Variants in TEX55 observed in about 807,000 individuals in gnomAD.
TEX55 encodes testis expressed 55.
In TEX55, 31 loss-of-function variants were observed where a neutral mutation model predicts 44.6. The ratio of observed to expected loss-of-function variants is 0.69; its 90% CI spans 0.52 to 0.94. TEX55 has a LOEUF of 0.94. TEX55 is among the 40% of genes least tolerant of loss of function. The pLI, the probability that TEX55 is intolerant of heterozygous loss-of-function variation, is 0.00. For missense variants in TEX55, 639 were observed against 638.4 expected, an observed-to-expected ratio of 1.00 and a Z score of -0.01; for synonymous variants, 230 against 230.9, an observed-to-expected ratio of 1.00 and a Z score of 0.04.
chr3:119,147,097 C>CT lies in TEX55; in HGVS notation c.909dup (p.Val304CysfsTer13). On this transcript the variant is annotated frameshift_variant, in exon 1 of 3. Transcript: ENST00000295622. LOFTEE classifies it high-confidence loss of function. ...TATGGCCTCGTTGACCACAAAACAT[C>CT]TGTAAAGACTCACCACCAAGTGTAC... 1 of 1,614,158 alleles carries CT rather than the reference C, an allele frequency of 6.2e-7. No individual in the cohort carries two copies. Among genetic ancestry groups the CT allele is most frequent in the Middle Eastern group, 1.6e-4 (1 of 6,062 alleles).
Position 119,147,478 on chromosome 3 carries a change from G to C in TEX55, c.1289G>C (p.Ser430Thr), listed in dbSNP as rs1300716147. 6.2e-7 allele frequency: 1 copy of C among 1,613,950 alleles called. No homozygotes were observed. The highest frequency in any genetic ancestry group is 1.3e-5 in the African/African-American group (1 of 74,892). Residue 430 changes from serine to threonine, a missense_variant, in exon 1 of 3, where the codon AGT becomes ACT. Coordinates refer to ENST00000295622, the MANE Select transcript of TEX55 (RefSeq NM_152539.3). Reference protein sequence around the residue: ...PYNPVDARFTSNFQAKDQALF... With the variant: ...PYNPVDARFTTNFQAKDQALF... ...AACCCAGTTGATGCCAGATTCACCAGTAACTTCCAAGCAAAAGACCAAGCT... is the reference window on the plus strand; with the variant it reads ...AACCCAGTTGATGCCAGATTCACCACTAACTTCCAAGCAAAAGACCAAGCT...
At chr3:119,149,743 C>G (rs2107558302) in intron 2 of TEX55, among the ~76,000 whole-genome samples, 1 of 152,250 alleles carries the variant, frequency 6.6e-6, no homozygotes, top group East Asian at 1.9e-4. Context: ...TTTTTCAACT[C>G]CATTAAAATC....
chr3:119,151,149 G>T (rs887388498), intron 2 of TEX55, 75 bp from the exon 3 acceptor site: 37 of 946,850 alleles, frequency 3.9e-5, no homozygotes, highest in Non-Finnish European at 4.4e-5. Context: ...TAGTGGGAAA[G>T]ATAGCATCAA....
At chr3:119,148,866 T>C (rs906721596) in intron 2 of TEX55, among the ~76,000 whole-genome samples, 2 of 152,206 alleles carry the variant, frequency 1.3e-5, no homozygotes, top group African/African-American at 2.4e-5. Context: ...GAAGTATTTG[T>C]GTATCTAAAC....
At position 119,146,657 on chromosome 3, in the gene TEX55, A is replaced by G. The variant is rs952273636; in HGVS notation, c.468A>G (p.Arg156=). 13 of 1,614,124 alleles carry G rather than the reference A, an allele frequency of 8.1e-6. No homozygotes were observed. Among genetic ancestry groups the G allele is most frequent in the Non-Finnish European group, 1.1e-5 (13 of 1,180,058 alleles). Residue 156 remains arginine (R), a synonymous_variant, in exon 1 of 3, where the codon AGA becomes AGG. Coordinates refer to ENST00000295622, the MANE Select transcript of TEX55 (RefSeq NM_152539.3). ...TERRLPTQAE[R]RTSGQIDGRL... is the part of the protein sequence containing the mutation. Reference sequence around the variant, plus strand: ...GAAGATTACCTACCCAGGCTGAGAGAAGAACTTCTGGGCAGATTGATGGTA... The same window carrying G: ...GAAGATTACCTACCCAGGCTGAGAGGAGAACTTCTGGGCAGATTGATGGTA...
Position 119,151,140 on chromosome 3 carries a change from A to G in TEX55, c.1543-84A>G, listed in dbSNP as rs1433914199. 6.4e-5 allele frequency: 56 copies of G among 870,156 alleles called. No individual in the cohort carries two copies. The South Asian group carries it at 6.4e-4, about 10-fold the overall frequency. 53.9% of individuals were successfully genotyped at this position (870,156 alleles called of 1,614,324 possible). On this transcript the variant is annotated intron_variant, in intron 2 of 2. Transcript: ENST00000295622. Reference sequence around the variant, plus strand: ...CAAAAGCTATGGTATGTGTTAGGTTAGTGGGAAAGATAGCATCAAATATAA... The same window carrying G: ...CAAAAGCTATGGTATGTGTTAGGTTGGTGGGAAAGATAGCATCAAATATAA...
Position 119,146,460 on chromosome 3 carries a change from G to C in TEX55, c.271G>C (p.Ala91Pro). The change falls in exon 1 of 3, where the codon GCA becomes CCA. Residue 91 changes from alanine (A) to proline (P), a missense_variant. Coordinates refer to ENST00000295622, the MANE Select transcript of TEX55 (RefSeq NM_152539.3). Reference sequence around the variant, plus strand: ...TACACCTGGTCAGGCTGGCCGCAGAGCATCCAACCCTGCTGATGTTTCTGA... The same window carrying C: ...TACACCTGGTCAGGCTGGCCGCAGACCATCCAACCCTGCTGATGTTTCTGA... ...HSTPGQAGRR[A>P]SNPADVSDLR... is the part of the protein sequence containing the mutation. 1.9e-6 allele frequency: 3 copies of C among 1,614,124 alleles called. No individual in the cohort carries two copies. Among genetic ancestry groups the C allele is most frequent in the Non-Finnish European group, 2.5e-6 (3 of 1,180,028 alleles).
rs200831051 is a variant in TEX55, at chr3:119,146,400, G to C, written c.211G>C (p.Ala71Pro). ...GGCTGAATCCAGCATATTTAGCCAAGCTACCAACGGAGTAGCTGAACAAAA... is the reference window on the plus strand; with the variant it reads ...GGCTGAATCCAGCATATTTAGCCAACCTACCAACGGAGTAGCTGAACAAAA... Reference protein sequence around the residue: ...SQAESSIFSQATNGVAEQNGH... With the variant: ...SQAESSIFSQPTNGVAEQNGH... The change falls in exon 1 of 3, where the codon GCT (alanine) becomes CCT (proline). Residue 71 changes from alanine (A) to proline (P), a missense_variant. By Grantham distance (27) the Ala-to-Pro change is conservative (BLOSUM62 -1). Coordinates refer to ENST00000295622, the MANE Select transcript of TEX55 (RefSeq NM_152539.3). The C allele has an allele frequency of 1.5e-4, 249 of 1,614,192 alleles. 1 individual carries two copies. In the East Asian group the frequency reaches 5.4e-3, roughly 35 times the overall value.
chr3:119,147,007 A>G lies in TEX55; in HGVS notation c.818A>G (p.Lys273Arg). 6.2e-7 allele frequency: 1 copy of G among 1,614,228 alleles called. No individual in the cohort carries two copies. The highest frequency in any genetic ancestry group is 8.5e-7 in the Non-Finnish European group (1 of 1,180,038). ...SGKVRRRSSEKTDYRLAGLAD... is the reference protein window; with the variant it reads ...SGKVRRRSSERTDYRLAGLAD... ...AAAGTTAGGAGAAGAAGTTCTGAGA[A>G]GACTGACTACAGATTGGCTGGCCTG... is the stretch of plus-strand genomic sequence containing the variant. Residue 273 changes from lysine to arginine, a missense_variant, in exon 1 of 3, where the codon AAG becomes AGG. Transcript: ENST00000295622.
chr3:119,147,761 G>A (rs879833122), intron 1 of TEX55, among the ~76,000 whole-genome samples, 174 bp downstream of exon 1: 8 of 152,150 alleles, frequency 5.3e-5, no homozygotes, highest in Non-Finnish European at 7.4e-5. Flanking sequence ...AGAAGGATGG[G>A]AAATAAAAGA....
rs927367246 is a variant in TEX55 at position 119,146,740 on chromosome 3, G to T, written c.551G>T (p.Gly184Val). Residue 184 changes from glycine to valine, a missense_variant, in exon 1 of 3, where the codon GGC becomes GTC. Gly to Val is a moderately radical substitution (Grantham distance 109). Coordinates refer to ENST00000295622, the MANE Select transcript of TEX55 (RefSeq NM_152539.3). ...GSRQTDHRMA[G>V]QSERRASEQM... ...AGACAGACCGACCACAGAATGGCAGGCCAGTCTGAGAGAAGAGCTTCCGAG... is the reference window on the plus strand; with the variant it reads ...AGACAGACCGACCACAGAATGGCAGTCCAGTCTGAGAGAAGAGCTTCCGAG... The T allele has an allele frequency of 1.9e-6, 3 of 1,614,030 alleles. No homozygotes were observed. In the African/African-American group the frequency reaches 4.0e-5, roughly 22 times the overall value.
rs1160918839 is a variant in TEX55, at chr3:119,148,181, A to G, written c.1400A>G (p.Asp467Gly). The G allele has an allele frequency of 6.2e-7, 1 of 1,603,418 alleles. No homozygotes were observed. The highest frequency in any genetic ancestry group is 8.5e-7 in the Non-Finnish European group (1 of 1,176,966). Residue 467 changes from aspartate to glycine, a missense_variant and splice_region_variant, in exon 2 of 3, where the codon GAT (aspartate) becomes GGT (glycine). Asp to Gly is a moderately conservative substitution (Grantham distance 94). Coordinates refer to ENST00000295622, the MANE Select transcript of TEX55 (RefSeq NM_152539.3). ...EKTQAIVTKS[D>G]EFSEIDQGKG... ...TTGGTGGGGGGATTTAAATTTCAGGATGAATTTTCAGAAATTGACCAAGGA... is the reference window on the plus strand; with the variant it reads ...TTGGTGGGGGGATTTAAATTTCAGGGTGAATTTTCAGAAATTGACCAAGGA...
Position 119,151,212 on chromosome 3 carries a change from T to G in TEX55, c.1543-12T>G. 1 of 1,573,868 alleles carries G rather than the reference T, an allele frequency of 6.4e-7. No homozygotes were observed. Among genetic ancestry groups the G allele is most frequent in the South Asian group, 1.1e-5 (1 of 90,164 alleles). On this transcript the variant is annotated splice_polypyrimidine_tract_variant and intron_variant, in intron 2 of 2. Transcript: ENST00000295622. Reference sequence around the variant, plus strand: ...AGAACCATAATGTGATGCCTTATGCTCTCTTTCTCAGCAGATTACTGAAAA... The same window carrying G: ...AGAACCATAATGTGATGCCTTATGCGCTCTTTCTCAGCAGATTACTGAAAA...
Position 119,146,666 on chromosome 3 carries a change from T to C in TEX55, c.477T>C (p.Ser159=), listed in dbSNP as rs1307424142. 2 of 1,614,232 alleles carry C rather than the reference T, an allele frequency of 1.2e-6. No individual in the cohort carries two copies. Among genetic ancestry groups the C allele is most frequent in the Admixed American group, 3.3e-5 (2 of 60,032 alleles). ...CTACCCAGGCTGAGAGAAGAACTTCTGGGCAGATTGATGGTAGACTGGCTA... is the reference window on the plus strand; with the variant it reads ...CTACCCAGGCTGAGAGAAGAACTTCCGGGCAGATTGATGGTAGACTGGCTA... ...RLPTQAERRT[S]GQIDGRLAMP... The change falls in exon 1 of 3, where the codon TCT becomes TCC. Residue 159 remains serine (S), a synonymous_variant. Coordinates refer to ENST00000295622, the MANE Select transcript of TEX55 (RefSeq NM_152539.3).
At position 119,147,316 on chromosome 3, in the gene TEX55, A is replaced by T; in HGVS notation, c.1127A>T (p.Gln376Leu). 6.2e-7 allele frequency: 1 copy of T among 1,614,236 alleles called. No homozygotes were observed. The highest frequency in any genetic ancestry group is 8.5e-7 in the Non-Finnish European group (1 of 1,180,048). ...RGQSEDRIFP[Q>L]LGNSKEDKEA... ...CAGTCTGAAGACAGAATATTTCCCC[A>T]GTTAGGCAACAGCAAAGAGGACAAA... Residue 376 changes from glutamine to leucine, a missense_variant, in exon 1 of 3, where the codon CAG becomes CTG. Transcript: ENST00000295622.
At position 119,147,208 on chromosome 3, in the gene TEX55, A is replaced by C; in HGVS notation, c.1019A>C (p.Tyr340Ser). Residue 340 changes from tyrosine (Y) to serine (S), a missense_variant, in exon 1 of 3, where the codon TAC becomes TCC. Transcript: ENST00000295622. ...ADQPPVDNAH[Y>S]TESDQTDHLA... Reference sequence around the variant, plus strand: ...CAACCTCCAGTTGACAATGCTCACTACACTGAATCTGACCAGACTGACCAC... The same window carrying C: ...CAACCTCCAGTTGACAATGCTCACTCCACTGAATCTGACCAGACTGACCAC... 1 of 1,614,122 alleles carries C rather than the reference A, an allele frequency of 6.2e-7. No homozygotes were observed. Among genetic ancestry groups the C allele is most frequent in the South Asian group, 1.1e-5 (1 of 91,080 alleles).
chr3:119,148,355 A>C, intron 2 of TEX55, 32 bp downstream of exon 2: 1 of 1,588,694 alleles, frequency 6.3e-7, no homozygotes, highest in Non-Finnish European at 8.6e-7. Flanking sequence ...TTTAATTATA[A>C]GTTTTTCAAG....
rs760325651 is a variant in TEX55 at position 119,148,292 on chromosome 3, T to C, written c.1511T>C (p.Met504Thr). Residue 504 changes from methionine to threonine, a missense_variant, in exon 2 of 3, where the codon ATG (methionine) becomes ACG (threonine). Coordinates refer to ENST00000295622, the MANE Select transcript of TEX55 (RefSeq NM_152539.3). ...CCTTACCAAGTTTCACTCCAATACA[T>C]GGAAAAACACCACATTCTGCAAATA... ...EDPYQVSLQYMEKHHILQIFQ... is the reference protein window; with the variant it reads ...EDPYQVSLQYTEKHHILQIFQ... The C allele has an allele frequency of 6.2e-7, 1 of 1,611,346 alleles. No homozygotes were observed. The highest frequency in any genetic ancestry group is 8.5e-7 in the Non-Finnish European group (1 of 1,179,322).
Position 119,147,509 on chromosome 3 carries a change from C to G in TEX55, c.1320C>G (p.Phe440Leu). Reference protein sequence around the residue: ...SNFQAKDQALFPRLPSISSKL... With the variant: ...SNFQAKDQALLPRLPSISSKL... ...TCCAAGCAAAAGACCAAGCTCTTTTCCCAAGACTCCCCTCCATCTCATCCA... is the reference window on the plus strand; with the variant it reads ...TCCAAGCAAAAGACCAAGCTCTTTTGCCAAGACTCCCCTCCATCTCATCCA... Residue 440 changes from phenylalanine (F) to leucine (L), a missense_variant, in exon 1 of 3, where the codon TTC (phenylalanine) becomes TTG (leucine). Transcript: ENST00000295622. 5 of 1,614,102 alleles carry G rather than the reference C, an allele frequency of 3.1e-6. No homozygotes were observed. Among genetic ancestry groups the G allele is most frequent in the Non-Finnish European group, 4.2e-6 (5 of 1,180,006 alleles).
Sources: allele counts gnomAD v4.1 joint callset (sites outside exome capture counted in the v4.1 genomes callset), GRCh38; gene constraint gnomAD v4.1.1; transcripts MANE v1.5; gene names NCBI Gene and HGNC (gene_info 2026-07-23, HGNC 2026-07-21).